PDGFRL: variants seen among roughly 807,000 people sequenced by gnomAD.
The protein encoded by PDGFRL is platelet derived growth factor receptor like.
A neutral mutation model predicts 37.2 loss-of-function variants in PDGFRL; 46 were observed. That is an observed-to-expected ratio of 1.24 (90% CI 0.98 to 1.58). The LOEUF (loss-of-function observed/expected upper bound fraction) is 1.58. Ranked by LOEUF, PDGFRL falls within the 40% of genes most tolerant of loss-of-function variation. PDGFRL has a pLI of 0.00. For missense variants in PDGFRL, 692 were observed against 467.6 expected (o/e 1.48, Z -4.43); for synonymous variants, 251 against 184.3 (o/e 1.36, Z -2.93).
chr8:17,631,512 C>T (rs1294672592), intron 4 of PDGFRL, among the ~76,000 whole-genome samples: 6 of 152,158 alleles, frequency 3.9e-5, no homozygotes, highest in African/African-American at 7.2e-5. Context: ...TCTCACAGCC[C>T]TGCTCCACCT....
chr8:17,615,070 G>T (rs1383112636), intron 2 of PDGFRL, among the ~76,000 whole-genome samples: 1 of 152,172 alleles, frequency 6.6e-6, no homozygotes, highest in Admixed American at 6.5e-5. Flanking sequence ...TTAAGTTTCA[G>T]TTATTGTTAT....
chr8:17,610,422 A>G (rs899983181), intron 2 of PDGFRL, among the ~76,000 whole-genome samples: 1 of 152,222 alleles, frequency 6.6e-6, no homozygotes, highest in Non-Finnish European at 1.5e-5. Context: ...GGAGCATTTC[A>G]GATTTCAGAT....
intron 1 of PDGFRL, among the ~76,000 whole-genome samples, chr8:17,584,677 C>G (rs774190988): frequency 6.6e-6 from 1 of 150,476 alleles, no homozygotes; most frequent in African/African-American, 2.4e-5. Flanking sequence ...CAGATTGAGG[C>G]CTTTATCCTG....
chr8:17,641,294 GA>G (rs1306184050), intron 5 of PDGFRL, among the ~76,000 whole-genome samples: 1 of 152,182 alleles, frequency 6.6e-6, no homozygotes, highest in East Asian at 1.9e-4. Flanking sequence ...CCCCTCACCC[GA>G]GTTCTGTCCA....
intron 2 of PDGFRL, among the ~76,000 whole-genome samples, chr8:17,597,892 T>A (rs1332030077): frequency 6.6e-6 from 1 of 152,208 alleles, no homozygotes; most frequent in Admixed American, 6.5e-5. Flanking sequence ...TGTTGTAACC[T>A]GCAGTGATTT....
At chr8:17,603,319 A>G (rs544562774) in intron 2 of PDGFRL, among the ~76,000 whole-genome samples, 1 of 152,310 alleles carries the variant, frequency 6.6e-6, no homozygotes, top group East Asian at 1.9e-4. Flanking sequence ...GGGAGCAGAC[A>G]TTTGTAAGTG....
intron 2 of PDGFRL, among the ~76,000 whole-genome samples, chr8:17,607,801 T>C (rs1804315190): frequency 6.6e-6 from 1 of 152,178 alleles, no homozygotes; most frequent in African/African-American, 2.4e-5. Context: ...CTTTGAAAGA[T>C]ATGTCAAAGG....
At chr8:17,609,543 C>T (rs150058743) in intron 2 of PDGFRL, among the ~76,000 whole-genome samples, 6,360 of 138,548 alleles carry the variant, frequency 0.046, 221 homozygotes, top group East Asian at 0.17. Flanking sequence ...GAGGCTAAAG[C>T]AGGAGAATCG....
chr8:17,608,696 G>C (rs754608990), intron 2 of PDGFRL, among the ~76,000 whole-genome samples: 28 of 152,146 alleles, frequency 1.8e-4, no homozygotes, highest in Admixed American at 1.0e-3. Flanking sequence ...GACAGAAATA[G>C]TCCCAACGAC....
intron 2 of PDGFRL, among the ~76,000 whole-genome samples, chr8:17,590,253 A>AAGAAAG (rs1554549582): frequency 1.4e-5 from 2 of 144,630 alleles, no homozygotes; most frequent in African/African-American, 5.2e-5. Context: ...AAAAAAAAAA[A>AAGAAAG]AAATTGCAAA....
chr8:17,594,677 C>G (rs182568271), intron 2 of PDGFRL, among the ~76,000 whole-genome samples: 1 of 152,322 alleles, frequency 6.6e-6, no homozygotes, highest in African/African-American at 2.4e-5. Context: ...GCCTCAGCCT[C>G]TGGAGTAGCT....
rs138007273 is a variant in PDGFRL, at chr8:17,577,325, C to T, written c.55+18C>T. Reference sequence around the variant, plus strand: ...GGAGGATGGTGAGTGACTCTGGGCGCGGGGCCACCTAGCTTGTGCCCTGAC... The same window carrying T: ...GGAGGATGGTGAGTGACTCTGGGCGTGGGGCCACCTAGCTTGTGCCCTGAC... On this transcript the variant is annotated intron_variant, in intron 1 of 5. Coordinates refer to ENST00000251630, the MANE Select transcript of PDGFRL (RefSeq NM_001372073.1). 1.2e-5 allele frequency: 19 copies of T among 1,605,246 alleles called. No homozygotes were observed. The highest frequency in any genetic ancestry group is 2.7e-5 in the African/African-American group (2 of 74,664).
chr8:17,599,808 C>T (rs887361926), intron 2 of PDGFRL, among the ~76,000 whole-genome samples: 1 of 152,154 alleles, frequency 6.6e-6, no homozygotes, highest in Admixed American at 6.5e-5. Flanking sequence ...GATCATATGT[C>T]CTCCTTCCCT....
chr8:17,636,871 C>T (rs1190827798), intron 5 of PDGFRL, among the ~76,000 whole-genome samples: 1 of 151,956 alleles, frequency 6.6e-6, no homozygotes, highest in Admixed American at 6.6e-5. Context: ...ATATTTTTTG[C>T]AGCTATTATA....
At chr8:17,586,955 G>C (rs1331404314) in intron 1 of PDGFRL, among the ~76,000 whole-genome samples, 1 of 152,156 alleles carries the variant, frequency 6.6e-6, no homozygotes. Context: ...AAATTCAATG[G>C]TAATGGACGT....
At chr8:17,638,644 T>C (rs566942203) in intron 5 of PDGFRL, among the ~76,000 whole-genome samples, 12 of 150,416 alleles carry the variant, frequency 8.0e-5, no homozygotes, top group African/African-American at 2.4e-4. Flanking sequence ...CAGTGGAGTA[T>C]TGAAGTTCCC....
At chr8:17,594,885 G>A (rs1804019421) in intron 2 of PDGFRL, among the ~76,000 whole-genome samples, 1 of 152,210 alleles carries the variant, frequency 6.6e-6, no homozygotes, top group South Asian at 2.1e-4. Context: ...AGGCATTTAG[G>A]CTCCTTCCAC....
rs73200107 is a variant in PDGFRL, at chr8:17,634,249, C to G, written c.939+36C>G. On this transcript the variant is annotated intron_variant, in intron 5 of 5. Coordinates refer to ENST00000251630, the MANE Select transcript of PDGFRL (RefSeq NM_001372073.1). ...TACCTGCATCTCAGCCCCTGCGTCTCAGCCTCTGCATCTCAGCCAGCCATT... is the reference window on the plus strand; with the variant it reads ...TACCTGCATCTCAGCCCCTGCGTCTGAGCCTCTGCATCTCAGCCAGCCATT... The G allele has an allele frequency of 1.5e-3, 2,352 of 1,543,666 alleles. 4 individuals are homozygous for G. Among genetic ancestry groups the G allele is most frequent in the Non-Finnish European group, 1.9e-3 (2,171 of 1,133,506 alleles).
intron 1 of PDGFRL, among the ~76,000 whole-genome samples, chr8:17,588,041 C>T (rs1348120398): frequency 6.6e-6 from 1 of 152,112 alleles, no homozygotes; most frequent in Middle Eastern, 3.2e-3. Flanking sequence ...TGGGGGCACT[C>T]TTCCCTGGAT....
Sources: gnomAD v4.1 joint callset for allele counts (sites outside exome capture counted in the v4.1 genomes callset) on GRCh38, gnomAD v4.1.1 for gene constraint, MANE v1.5 for transcripts, NCBI Gene and HGNC (gene_info 2026-07-23, HGNC 2026-07-21) for gene names.